DTWD2: variants seen among roughly 807,000 people sequenced by gnomAD.
The protein encoded by DTWD2 is DTW motif tRNA-uridine aminocarboxypropyltransferase 2, also known as tRNA-uridine aminocarboxypropyltransferase 2.
A neutral mutation model predicts 31.8 loss-of-function variants in DTWD2; 39 were observed. The observed-to-expected ratio is 1.22, with a 90% confidence interval of 0.95 to 1.60. The LOEUF (loss-of-function observed/expected upper bound fraction) is 1.60, where lower values mean the gene tolerates loss of function less well. Ranked by LOEUF, DTWD2 falls within the 40% of genes most tolerant of loss-of-function variation. The pLI is 0.00. For missense variants in DTWD2, 515 were observed against 381.5 expected, an observed-to-expected ratio of 1.35 and a Z score of -2.92; for synonymous variants, 180 against 142.8, an observed-to-expected ratio of 1.26 and a Z score of -1.86.
chr5:118,976,741 G>A (rs1056740696), intron 1 of DTWD2, among the ~76,000 whole-genome samples: 5 of 152,050 alleles, frequency 3.3e-5, no homozygotes, highest in African/African-American at 9.7e-5. Flanking sequence ...ATTCACAGAC[G>A]AATTCTACCA....
intron 4 of DTWD2, among the ~76,000 whole-genome samples, chr5:118,899,145 G>A (rs1753148312): frequency 6.6e-6 from 1 of 152,034 alleles, no homozygotes; most frequent in Admixed American, 6.6e-5. Context: ...GCTTTTTGTT[G>A]GCGATTCCAC....
At chr5:118,858,209 A>T (rs60688439) in intron 4 of DTWD2, among the ~76,000 whole-genome samples, 16,242 of 152,222 alleles carry the variant, frequency 0.11, 1,075 homozygotes, top group African/African-American at 0.19. Context: ...GAATGACTGC[A>T]GAGCTTTGCA....
chr5:118,843,207 G>A (rs187950039), intron 5 of DTWD2, among the ~76,000 whole-genome samples: 3,778 of 151,560 alleles, frequency 0.025, 160 homozygotes, highest in African/African-American at 0.086. Flanking sequence ...CACCTGCCTC[G>A]GCCTCCCAAA....
intron 1 of DTWD2, among the ~76,000 whole-genome samples, chr5:118,965,421 G>A (rs185489977): frequency 1.4e-3 from 206 of 152,160 alleles, no homozygotes; most frequent in African/African-American, 4.6e-3. Flanking sequence ...CCGTCTGGGA[G>A]GTGTATCCAA....
At chr5:118,872,830 C>T (rs750334487) in intron 4 of DTWD2, among the ~76,000 whole-genome samples, 2 of 152,174 alleles carry the variant, frequency 1.3e-5, no homozygotes, top group Non-Finnish European at 2.9e-5. Flanking sequence ...TTGTAAAAAT[C>T]GCACTAGAAG....
At chr5:118,976,357 T>C (rs189841157) in intron 1 of DTWD2, among the ~76,000 whole-genome samples, 9 of 151,900 alleles carry the variant, frequency 5.9e-5, no homozygotes, top group African/African-American at 1.9e-4. Context: ...CTGAAGAAGA[T>C]AGAGACACAA....
chr5:118,953,077 C>A (rs1225383882), intron 1 of DTWD2, among the ~76,000 whole-genome samples: 1 of 152,190 alleles, frequency 6.6e-6, no homozygotes, highest in Non-Finnish European at 1.5e-5. Flanking sequence ...TTATCAGAAT[C>A]ACCTAGAGGA....
intron 4 of DTWD2, among the ~76,000 whole-genome samples, chr5:118,870,376 T>C (rs1051581315): frequency 1.3e-5 from 2 of 152,178 alleles, no homozygotes; most frequent in Non-Finnish European, 2.9e-5. Flanking sequence ...AAACACTTGA[T>C]TGGTTGGTTA....
At position 118,839,526 on chromosome 5, in the gene DTWD2, T is replaced by TA. The variant is rs1328862448; in HGVS notation, c.*1390_*1391insT. On this transcript the variant is annotated 3_prime_UTR_variant, in exon 6 of 6. Coordinates refer to ENST00000510708, the MANE Select transcript of DTWD2 (RefSeq NM_173666.4). The stretch of plus-strand genomic sequence containing the variant: ...CACACCACCACATCTGGCTAATTAT[T>TA]TTTTTTTTAATTTTGTATGGAGATG... 2.7e-5 allele frequency: 4 copies of TA among 150,730 alleles called. No homozygotes were observed. Among genetic ancestry groups the TA allele is most frequent in the Admixed American group, 1.3e-4 (2 of 15,114 alleles). The allele number at this position is 150,730 out of a possible 1,614,324, so 9.3% of individuals were successfully genotyped here.
intron 4 of DTWD2, among the ~76,000 whole-genome samples, chr5:118,856,863 C>T (rs1206553534): frequency 6.8e-6 from 1 of 145,992 alleles, no homozygotes; most frequent in Non-Finnish European, 1.5e-5. Flanking sequence ...ACCTCTGCCT[C>T]CTGGGCTCAA....
chr5:118,861,999 G>A (rs561468072), intron 4 of DTWD2, among the ~76,000 whole-genome samples: 7 of 152,302 alleles, frequency 4.6e-5, no homozygotes, highest in Admixed American at 6.5e-5. Flanking sequence ...GACCGGTACC[G>A]TTCTGTGGTC....
chr5:118,944,445 A>G (rs1232119118), intron 2 of DTWD2, 114 bp downstream of exon 2: 1 of 1,088,600 alleles, frequency 9.2e-7, no homozygotes, highest in East Asian at 2.5e-5. Context: ...AGCATTTATC[A>G]CCAACTTCTT....
chr5:118,895,732 TCAACAGAGGCAC>T (rs1049765213), intron 4 of DTWD2, among the ~76,000 whole-genome samples: 35 of 152,256 alleles, frequency 2.3e-4, no homozygotes, highest in African/African-American at 7.5e-4. Flanking sequence ...CAACTCCTTT[TCAACAGAGGCAC>T]CAAGAACATA....
In DTWD2 at chr5:118,839,247, G is replaced by A. The variant is rs2112662018; in HGVS notation, c.*1670C>T. The A allele has an allele frequency of 6.6e-6, 1 of 152,048 alleles. No homozygotes were observed. Among genetic ancestry groups the A allele is most frequent in the African/African-American group, 2.4e-5 (1 of 41,474 alleles). 9.4% of individuals were successfully genotyped at this position (152,048 alleles called of 1,614,324 possible). ...GAAAAATTACTACAAAATGATTTTA[G>A]CCCCACTTGTTAAGAAACTATTATA... On this transcript the variant is annotated 3_prime_UTR_variant, in exon 6 of 6. Coordinates refer to ENST00000510708, the MANE Select transcript of DTWD2 (RefSeq NM_173666.4).
At chr5:118,955,906 AT>A (rs201065094) in intron 1 of DTWD2, among the ~76,000 whole-genome samples, 1,602 of 151,524 alleles carry the variant, frequency 0.011, 14 homozygotes, top group East Asian at 0.021. Flanking sequence ...ATGAATATTC[AT>A]TTTTTTTTAA....
At chr5:118,958,531 A>T (rs542108146) in intron 1 of DTWD2, among the ~76,000 whole-genome samples, 2 of 152,012 alleles carry the variant, frequency 1.3e-5, no homozygotes, top group Middle Eastern at 3.4e-3. Flanking sequence ...AGAAAATCCA[A>T]ATAAAGAATC....
chr5:118,869,960 C>T (rs77762256), intron 4 of DTWD2, among the ~76,000 whole-genome samples: 3,717 of 152,108 alleles, frequency 0.024, 74 homozygotes, highest in Admixed American at 0.041. Flanking sequence ...GCTTTATCAC[C>T]GCTTCACACA....
chr5:118,884,001 T>C (rs1055577208), intron 4 of DTWD2, among the ~76,000 whole-genome samples: 3 of 152,212 alleles, frequency 2.0e-5, no homozygotes, highest in African/African-American at 4.8e-5. Context: ...CAGATTTTTG[T>C]AAATTTGTAA....
chr5:118,853,938 G>A (rs916318747), intron 4 of DTWD2, among the ~76,000 whole-genome samples: 2 of 152,200 alleles, frequency 1.3e-5, no homozygotes, highest in African/African-American at 4.8e-5. Flanking sequence ...GGGATAAGGA[G>A]TGGAGAAAGG....
Sources: gnomAD v4.1 joint callset for allele counts (sites outside exome capture counted in the v4.1 genomes callset) on GRCh38, gnomAD v4.1.1 for gene constraint, MANE v1.5 for transcripts, NCBI Gene and HGNC (gene_info 2026-07-23, HGNC 2026-07-21) for gene names.